MIPOL1: variants seen among roughly 807,000 people sequenced by gnomAD.
MIPOL1 encodes the protein mirror-image polydactyly 1.
In MIPOL1, 57 loss-of-function variants were observed where a neutral mutation model predicts 60.9. The ratio of observed to expected loss-of-function variants is 0.94; its 90% CI spans 0.76 to 1.17. The LOEUF (loss-of-function observed/expected upper bound fraction) is 1.17, where lower values mean the gene tolerates loss of function less well. MIPOL1 is among the 50% of genes most tolerant of loss of function. The probability of loss-of-function intolerance (pLI) is 0.00; values close to 1 mark genes in which losing one functional copy is unlikely to be tolerated. For missense variants in MIPOL1, 551 were observed against 511.6 expected (o/e 1.08, Z -0.74); for synonymous variants, 179 against 168.8 (o/e 1.06, Z -0.47).
Position 37,298,574 on chromosome 14 carries a change from G to A in MIPOL1, c.624-9482G>A, listed in dbSNP as rs1480449971. 2.0e-5 allele frequency among the ~76,000 whole-genome samples: 3 copies of A among 152,064 alleles called. No homozygotes were observed. The South Asian group carries it at 6.2e-4, about 31-fold the overall frequency. On this transcript the variant is annotated intron_variant, in intron 7 of 12. Coordinates refer to ENST00000684589, the MANE Select transcript of MIPOL1 (RefSeq NM_001388067.1). ...TCATCTGACAAAGGGCTAATATCCA[G>A]AATCTACAATGAACTCAAACAAATT...
chr14:37,416,920 CCTA>C (rs1461002167), intron 10 of MIPOL1, among the ~76,000 whole-genome samples: 1 of 152,142 alleles, frequency 6.6e-6, no homozygotes, highest in Non-Finnish European at 1.5e-5. Flanking sequence ...TTTTTGTTTT[CCTA>C]CTGTTTATTT....
intron 12 of MIPOL1, among the ~76,000 whole-genome samples, chr14:37,534,642 T>A (rs945959104): frequency 1.3e-5 from 2 of 152,294 alleles, no homozygotes; most frequent in East Asian, 3.9e-4. Flanking sequence ...GAATGTTACA[T>A]ATGATTTAAA....
At chr14:37,227,249 T>C (rs1969897158) in intron 1 of MIPOL1, among the ~76,000 whole-genome samples, 1 of 152,230 alleles carries the variant, frequency 6.6e-6, no homozygotes, top group South Asian at 2.1e-4. Context: ...CTTTTCCTGC[T>C]TCTTAGAGAC....
At chr14:37,401,028 T>G (rs887267706) in intron 10 of MIPOL1, 1 of 152,068 alleles carries the variant, frequency 6.6e-6, no homozygotes, top group Non-Finnish European at 1.5e-5. Flanking sequence ...CAAAGATATT[T>G]TGAAGGAGTG....
chr14:37,457,371 C>A (rs540785400), intron 11 of MIPOL1, among the ~76,000 whole-genome samples: 1 of 152,194 alleles, frequency 6.6e-6, no homozygotes, highest in African/African-American at 2.4e-5. Context: ...TGAGAATAGA[C>A]ATGGCTTCAA....
intron 12 of MIPOL1, chr14:37,546,061 G>A (rs1404606791): frequency 6.3e-6 from 1 of 159,892 alleles, no homozygotes; most frequent in Non-Finnish European, 1.4e-5. Flanking sequence ...ACCAATTAAT[G>A]GTCTGATTCT....
At chr14:37,453,629 AT>A in intron 11 of MIPOL1, among the ~76,000 whole-genome samples, 1 of 152,228 alleles carries the variant, frequency 6.6e-6, no homozygotes. Flanking sequence ...ATTGAATACC[AT>A]GTTTATAAGT....
At chr14:37,427,515 C>T (rs2093986273) in intron 11 of MIPOL1, among the ~76,000 whole-genome samples, 1 of 151,984 alleles carries the variant, frequency 6.6e-6, no homozygotes, top group Admixed American at 6.6e-5. Context: ...ACAATATTGT[C>T]AGTATACTTA....
chr14:37,257,095 TTGTGTGTGTGTG>T (rs61079220), intron 3 of MIPOL1, among the ~76,000 whole-genome samples: 8 of 137,790 alleles, frequency 5.8e-5, no homozygotes, highest in South Asian at 2.5e-4. Context: ...TGGTTTTGTT[TTGTGTGTGTGTG>T]TGTGTGTGTG....
chr14:37,232,559 A>T (rs1287782342), intron 1 of MIPOL1, among the ~76,000 whole-genome samples: 1 of 101,172 alleles, frequency 9.9e-6, no homozygotes, highest in Non-Finnish European at 2.7e-5. Flanking sequence ...CCTTCTGACT[A>T]TTCTTTTTCC....
intron 6 of MIPOL1, among the ~76,000 whole-genome samples, chr14:37,275,473 C>G (rs2083583156): frequency 1.3e-5 from 2 of 151,144 alleles, no homozygotes. Context: ...ATGCTATGGC[C>G]TGATTTGCAT....
intron 11 of MIPOL1, among the ~76,000 whole-genome samples, chr14:37,439,106 T>G (rs1187754028): frequency 6.6e-6 from 1 of 152,210 alleles, no homozygotes; most frequent in Non-Finnish European, 1.5e-5. Flanking sequence ...TCAAATAGAT[T>G]ATAATTAACT....
intron 6 of MIPOL1, among the ~76,000 whole-genome samples, chr14:37,282,721 G>A (rs113750495): frequency 1.1e-3 from 155 of 140,684 alleles, no homozygotes; most frequent in Non-Finnish European, 1.6e-3. Context: ...TGCACTCAGC[G>A]TGGATGACAG....
At chr14:37,210,455 C>G (rs927986308) in intron 1 of MIPOL1, among the ~76,000 whole-genome samples, 1 of 152,140 alleles carries the variant, frequency 6.6e-6, no homozygotes, top group Non-Finnish European at 1.5e-5. Flanking sequence ...TGGGTTCTTC[C>G]TGTTCACTGC....
intron 9 of MIPOL1, among the ~76,000 whole-genome samples, chr14:37,322,720 A>G (rs2088713940): frequency 6.6e-6 from 1 of 152,096 alleles, no homozygotes; most frequent in African/African-American, 2.4e-5. Context: ...CATTTCTCTA[A>G]TGACCAGTGA....
chr14:37,284,366 C>G (rs1385460016), intron 6 of MIPOL1, among the ~76,000 whole-genome samples: 2 of 152,118 alleles, frequency 1.3e-5, no homozygotes, highest in Admixed American at 6.5e-5. Flanking sequence ...ATTTTTGAGA[C>G]TGAGTCTCAC....
At chr14:37,281,964 A>G (rs946667029) in intron 6 of MIPOL1, among the ~76,000 whole-genome samples, 4 of 152,102 alleles carry the variant, frequency 2.6e-5, no homozygotes, top group African/African-American at 7.2e-5. Context: ...GTGTTTGTGC[A>G]TGTGTGTTTT....
intron 1 of MIPOL1, among the ~76,000 whole-genome samples, chr14:37,212,602 T>C (rs1680060709): frequency 6.6e-6 from 1 of 152,116 alleles, no homozygotes; most frequent in African/African-American, 2.4e-5. Context: ...TCCCTGACTC[T>C]TGTATGGCAC....
intron 9 of MIPOL1, among the ~76,000 whole-genome samples, chr14:37,309,473 G>A (rs948519837): frequency 6.6e-6 from 1 of 152,058 alleles, no homozygotes; most frequent in Non-Finnish European, 1.5e-5. Flanking sequence ...TCTTGGTGAT[G>A]TAAATTCCTA....
Sources: gnomAD v4.1 joint callset for allele counts (sites outside exome capture counted in the v4.1 genomes callset) on GRCh38, gnomAD v4.1.1 for gene constraint, MANE v1.5 for transcripts, NCBI Gene and HGNC (gene_info 2026-07-23, HGNC 2026-07-21) for gene names.